GPC5: variants seen among roughly 807,000 people sequenced by gnomAD.
GPC5 encodes the protein glypican-5.
Under a neutral mutation model 53.9 loss-of-function variants are expected in GPC5, and 47 were observed. The observed-to-expected ratio is 0.87, with a 90% confidence interval of 0.69 to 1.11. GPC5 has a LOEUF of 1.11. GPC5 is among the 50% of genes most tolerant of loss of function. GPC5 has a pLI of 0.00. For missense variants in GPC5, 748 were observed against 713.1 expected, an observed-to-expected ratio of 1.05 and a Z score of -0.56; for synonymous variants, 286 against 263.3, an observed-to-expected ratio of 1.09 and a Z score of -0.84.
chr13:92,091,594 G>A (rs187469763), intron 6 of GPC5, among the ~76,000 whole-genome samples: 46 of 152,056 alleles, frequency 3.0e-4, no homozygotes, highest in African/African-American at 1.1e-3. Flanking sequence ...ATTCTAAGAA[G>A]TAGAGTAACA....
Position 91,599,949 on chromosome 13 carries a change from C to T in GPC5, c.326-93238C>T, listed in dbSNP as rs115190769. Among the ~76,000 whole-genome samples, 484 of 152,232 alleles carry T rather than the reference C, an allele frequency of 3.2e-3. 3 individuals carry two copies. The highest frequency in any genetic ancestry group is 0.011 in the African/African-American group (466 of 41,552). On this transcript the variant is annotated intron_variant, in intron 2 of 7. Coordinates refer to ENST00000377067, the MANE Select transcript of GPC5 (RefSeq NM_004466.6). ...AGAGCTCAGCTTTTTTGAAACGGAG[C>T]CTTGCTGTGTTACCCAGGCTGGAGT...
chr13:91,925,510 C>A (rs2039758387), intron 6 of GPC5, among the ~76,000 whole-genome samples: 3 of 152,034 alleles, frequency 2.0e-5, no homozygotes, highest in Non-Finnish European at 4.4e-5. Flanking sequence ...TCAGGGAGTA[C>A]AAAAACGATT....
At chr13:92,803,827 C>A (rs987884446) in intron 7 of GPC5, among the ~76,000 whole-genome samples, 2 of 151,910 alleles carry the variant, frequency 1.3e-5, no homozygotes, top group Non-Finnish European at 2.9e-5. Flanking sequence ...TATTGTTTCT[C>A]TTTACAATGA....
In GPC5 at chr13:92,803,920, C is replaced by T. The variant is rs545339878; in HGVS notation, c.1562-62362C>T. 1.5e-4 allele frequency among the ~76,000 whole-genome samples: 23 copies of T among 151,978 alleles called. No individual in the cohort carries two copies. In the South Asian group the frequency reaches 2.1e-3, roughly 14 times the overall value. On this transcript the variant is annotated intron_variant, in intron 7 of 7. Coordinates refer to ENST00000377067, the MANE Select transcript of GPC5 (RefSeq NM_004466.6). ...TTTCTCAGAATTATGTAACCTAGAT[C>T]AGTACAAGGCAGCTCAAAGAATTTT...
chr13:91,897,335 CTGTG>C lies in GPC5; in HGVS notation c.1281-10571_1281-10568del, dbSNP rs34783532. Among the ~76,000 whole-genome samples the C allele has an allele frequency of 6.9e-3, 960 of 139,400 alleles. 5 individuals carry two copies. The highest frequency in any genetic ancestry group is 7.8e-3 in the Non-Finnish European group (496 of 63,530). 91.5% of individuals were successfully genotyped at this position (139,400 alleles called of 152,430 possible). On this transcript the variant is annotated intron_variant, in intron 5 of 7. Coordinates refer to ENST00000377067, the MANE Select transcript of GPC5 (RefSeq NM_004466.6). ...AAAGTAGAAGTAAATATAGAGAATGCTGTGTGTGTGTGTGTGTGTGTGTGTGTGT... is the reference window on the plus strand; with the variant it reads ...AAAGTAGAAGTAAATATAGAGAATGCTGTGTGTGTGTGTGTGTGTGTGTGT...
At chr13:91,786,662 T>G (rs2037884632) in intron 5 of GPC5, among the ~76,000 whole-genome samples, 1 of 152,206 alleles carries the variant, frequency 6.6e-6, no homozygotes, top group Admixed American at 6.5e-5. Flanking sequence ...CTATATCTTA[T>G]TCTGGAAGTT....
intron 7 of GPC5, among the ~76,000 whole-genome samples, chr13:92,221,269 T>C (rs2042446431): frequency 6.6e-6 from 1 of 152,182 alleles, no homozygotes; most frequent in Non-Finnish European, 1.5e-5. Flanking sequence ...TTTTGGCCAA[T>C]CAGACTGAGC....
intron 7 of GPC5, among the ~76,000 whole-genome samples, chr13:92,725,513 C>T (rs1888619524): frequency 6.6e-6 from 1 of 151,532 alleles, no homozygotes; most frequent in Non-Finnish European, 1.5e-5. Flanking sequence ...TAAGGAACTA[C>T]TCTAAGAATT....
At chr13:91,492,896 A>T (rs879548695) in intron 2 of GPC5, among the ~76,000 whole-genome samples, 7 of 152,094 alleles carry the variant, frequency 4.6e-5, no homozygotes, top group Non-Finnish European at 1.0e-4. Flanking sequence ...ACAACTCCAA[A>T]ATGTTAGTTT....
chr13:92,609,082 T>C (rs1384229394), intron 7 of GPC5, among the ~76,000 whole-genome samples: 1 of 152,202 alleles, frequency 6.6e-6, no homozygotes, highest in Non-Finnish European at 1.5e-5. Flanking sequence ...TATTTACTCC[T>C]CTTTGCAGGT....
At chr13:91,899,769 C>T (rs1221989473) in intron 5 of GPC5, among the ~76,000 whole-genome samples, 2 of 152,188 alleles carry the variant, frequency 1.3e-5, no homozygotes, top group South Asian at 2.1e-4. Context: ...GTTATGCAGT[C>T]GCAAATCAAA....
At chr13:91,585,316 A>G (rs750574227) in intron 2 of GPC5, among the ~76,000 whole-genome samples, 1 of 152,214 alleles carries the variant, frequency 6.6e-6, no homozygotes, top group Non-Finnish European at 1.5e-5. Context: ...ATGCATATAC[A>G]TGAAGACTAA....
intron 6 of GPC5, among the ~76,000 whole-genome samples, chr13:92,091,077 G>C (rs929589870): frequency 6.6e-6 from 1 of 152,174 alleles, no homozygotes. Flanking sequence ...CCAGAATTGC[G>C]AGAAATAAAT....
intron 6 of GPC5, among the ~76,000 whole-genome samples, chr13:92,020,347 C>G (rs1594727512): frequency 6.6e-6 from 1 of 152,222 alleles, no homozygotes; most frequent in East Asian, 1.9e-4. Flanking sequence ...TCTCTAGGAA[C>G]CATTATTCTG....
At chr13:91,525,476 A>G (rs1475070051) in intron 2 of GPC5, among the ~76,000 whole-genome samples, 1 of 152,172 alleles carries the variant, frequency 6.6e-6, no homozygotes, top group Non-Finnish European at 1.5e-5. Context: ...TTCTGAAACC[A>G]GCTAGGTTTC....
chr13:91,573,168 C>G (rs1052742045), intron 2 of GPC5, among the ~76,000 whole-genome samples: 1 of 152,182 alleles, frequency 6.6e-6, no homozygotes, highest in Non-Finnish European at 1.5e-5. Flanking sequence ...GGAAGCACAA[C>G]TTGGTTCCTC....
intron 5 of GPC5, among the ~76,000 whole-genome samples, chr13:91,807,384 A>G (rs1181165233): frequency 1.3e-5 from 2 of 152,172 alleles, no homozygotes; most frequent in Non-Finnish European, 2.9e-5. Flanking sequence ...ATGGGCACAC[A>G]CTCATTCATG....
chr13:91,791,864 T>C (rs2037970613), intron 5 of GPC5, among the ~76,000 whole-genome samples: 1 of 152,182 alleles, frequency 6.6e-6, no homozygotes, highest in Non-Finnish European at 1.5e-5. Flanking sequence ...TAGGGTGATA[T>C]AAAATAGAAG....
chr13:92,693,896 A>G (rs1199037044), intron 7 of GPC5, among the ~76,000 whole-genome samples: 3 of 152,192 alleles, frequency 2.0e-5, no homozygotes, highest in Non-Finnish European at 4.4e-5. Flanking sequence ...AGCCCCTTCC[A>G]TCACTGGTTC....
Sources: gnomAD v4.1 joint callset for allele counts (sites outside exome capture counted in the v4.1 genomes callset) on GRCh38, gnomAD v4.1.1 for gene constraint, MANE v1.5 for transcripts, NCBI Gene and HGNC (gene_info 2026-07-23, HGNC 2026-07-21) for gene names.